Variants in DNAH6 observed in about 807,000 individuals in gnomAD.
DNAH6 encodes the protein dynein axonemal heavy chain 6.
Under a neutral mutation model 491.4 loss-of-function variants are expected in DNAH6, and 340 were observed. That is an observed-to-expected ratio of 0.69 (90% confidence interval 0.63 to 0.76). The LOEUF is 0.76. Ranked by LOEUF, DNAH6 falls within the 30% of genes least tolerant of loss-of-function variation. The probability of loss-of-function intolerance (pLI) is 0.00; values close to 1 mark genes in which losing one functional copy is unlikely to be tolerated. For synonymous variants in DNAH6, 1,603 were observed against 1,686.1 expected (o/e 0.95, Z 1.21); for missense variants, 4,443 against 4,972.2 (o/e 0.89, Z 3.20).
chr2:84,493,712 A>C, the DNAH6 span, among the ~76,000 whole-genome samples: 1 of 152,224 alleles, frequency 6.6e-6, no homozygotes, highest in African/African-American at 2.4e-5. Context: ...AATCGGCGCC[A>C]GAAGACTGGA....
intron 71 of DNAH6, among the ~76,000 whole-genome samples, chr2:84,807,587 A>T (rs1443248723): frequency 2.0e-5 from 3 of 152,138 alleles, no homozygotes; most frequent in African/African-American, 7.2e-5. Context: ...GTGAGCAGGG[A>T]AGTGGGAGAT....
chr2:84,727,171 C>A (rs1008186823), intron 60 of DNAH6, among the ~76,000 whole-genome samples: 2 of 152,168 alleles, frequency 1.3e-5, no homozygotes, highest in African/African-American at 4.8e-5. Flanking sequence ...ACTGGTCCTG[C>A]TAGCTCACCT....
intron 35 of DNAH6, among the ~76,000 whole-genome samples, chr2:84,657,084 G>T: frequency 6.6e-6 from 1 of 151,964 alleles, no homozygotes; most frequent in Admixed American, 6.6e-5. Context: ...TTTTTGAAAA[G>T]ACTGTCCTTT....
At chr2:84,725,271 T>C (rs1261228846) in intron 60 of DNAH6, among the ~76,000 whole-genome samples, 1 of 152,176 alleles carries the variant, frequency 6.6e-6, no homozygotes, top group African/African-American at 2.4e-5. Flanking sequence ...CCCTCGATAA[T>C]GGTTGGAGGT....
At chr2:84,692,005 T>A (rs1394006829) in intron 45 of DNAH6, among the ~76,000 whole-genome samples, 1 of 152,248 alleles carries the variant, frequency 6.6e-6, no homozygotes, top group Non-Finnish European at 1.5e-5. Flanking sequence ...AAAGTTTGAT[T>A]CTTATTTCAG....
At position 84,686,524 on chromosome 2, in the gene DNAH6, G is replaced by T. The variant is rs543437610; in HGVS notation, c.7104G>T (p.Leu2368Phe). ...FGIAIDLEYF[L>F]NKPIIFGDFI... ...TTGCAATTGACCTGGAATATTTTTT[G>T]AATAAGCCCATCATATTTGGAGATT... is the stretch of plus-strand genomic sequence containing the variant. Residue 2368 changes from leucine (L) to phenylalanine (F), a missense_variant, in exon 44 of 77, where the codon TTG becomes TTT. Leu to Phe is a conservative substitution (Grantham distance 22, BLOSUM62 0). Around this residue, in one of 3 missense-constraint regions of DNAH6, gnomAD observed 2,977 missense variants for 3,296.6 expected, o/e 0.90. Transcript: ENST00000389394. The T allele has an allele frequency of 1.2e-5, 19 of 1,540,166 alleles. No homozygotes were observed. The East Asian group carries it at 1.5e-4, about 12-fold the overall frequency.
At chr2:84,553,761 T>C (rs1332756287) in intron 10 of DNAH6, among the ~76,000 whole-genome samples, 1 of 149,300 alleles carries the variant, frequency 6.7e-6, no homozygotes, top group Non-Finnish European at 1.5e-5. Context: ...TGAACCACCA[T>C]GCCCAGCCTG....
chr2:84,674,375 G>GGA (rs1693026107), intron 40 of DNAH6, among the ~76,000 whole-genome samples: 1 of 152,192 alleles, frequency 6.6e-6, no homozygotes, highest in East Asian at 1.9e-4. Flanking sequence ...GGAAATCCAG[G>GGA]TAGAGCACTT....
chr2:84,594,522 G>A (rs1684399379), intron 17 of DNAH6, among the ~76,000 whole-genome samples: 1 of 152,154 alleles, frequency 6.6e-6, no homozygotes, highest in African/African-American at 2.4e-5. Context: ...CTTCCTTTGA[G>A]AGCTCAATAG....
At chr2:84,676,143 G>C (rs1227960983) in intron 40 of DNAH6, among the ~76,000 whole-genome samples, 1 of 152,204 alleles carries the variant, frequency 6.6e-6, no homozygotes, top group Non-Finnish European at 1.5e-5. Flanking sequence ...AATATTCATA[G>C]CACTTATTCT....
intron 13 of DNAH6, among the ~76,000 whole-genome samples, chr2:84,579,245 G>T (rs372460218): frequency 6.6e-6 from 1 of 152,304 alleles, no homozygotes; most frequent in African/African-American, 2.4e-5. Flanking sequence ...GGACAGGGCA[G>T]CACAATGTCC....
chr2:84,613,771 A>T (rs1686562235), intron 22 of DNAH6, among the ~76,000 whole-genome samples: 1 of 152,032 alleles, frequency 6.6e-6, no homozygotes, highest in Non-Finnish European at 1.5e-5. Flanking sequence ...CCAGCTAAAT[A>T]TGTTTCATAT....
intron 18 of DNAH6, among the ~76,000 whole-genome samples, chr2:84,598,004 G>A (rs115808571): frequency 0.029 from 4,324 of 151,700 alleles, 222 homozygotes; most frequent in African/African-American, 0.099. Context: ...AGTAAGAGAA[G>A]CCAGTCAAAA....
chr2:84,534,857 T>G (rs1677531824), intron 4 of DNAH6, among the ~76,000 whole-genome samples: 1 of 152,008 alleles, frequency 6.6e-6, no homozygotes, highest in African/African-American at 2.4e-5. Flanking sequence ...TTCTCATGAT[T>G]TTTTAGACAC....
the DNAH6 span, among the ~76,000 whole-genome samples, chr2:84,494,913 A>T: frequency 6.6e-6 from 1 of 152,202 alleles, no homozygotes; most frequent in Non-Finnish European, 1.5e-5. Flanking sequence ...GAGATTCTGC[A>T]TGACTAGCAA....
chr2:84,805,515 G>T lies in DNAH6; in HGVS notation c.11482-150G>T. ...AATTTGTTAAGAGGGTAGATCTCATGTTAATTGTTCTTACCACAATAAAAT... is the reference window on the plus strand; with the variant it reads ...AATTTGTTAAGAGGGTAGATCTCATTTTAATTGTTCTTACCACAATAAAAT... On this transcript the variant is annotated intron_variant, in intron 70 of 76. Coordinates refer to ENST00000389394, the MANE Select transcript of DNAH6 (RefSeq NM_001370.2). 7.8e-6 allele frequency: 5 copies of T among 644,296 alleles called. No homozygotes were observed. The East Asian group carries it at 1.0e-4, about 13-fold the overall frequency. The allele number at this position is 644,296 out of a possible 1,614,324, so 39.9% of individuals were successfully genotyped here.
chr2:84,816,006 AC>A lies in DNAH6; in HGVS notation c.12297del (p.Tyr4100IlefsTer33). 1 of 1,551,780 alleles carries A rather than the reference AC, an allele frequency of 6.4e-7. No homozygotes were observed. Among genetic ancestry groups the A allele is most frequent in the South Asian group, 1.2e-5 (1 of 84,048 alleles). On this transcript the variant is annotated frameshift_variant, in exon 76 of 77. Coordinates refer to ENST00000389394, the MANE Select transcript of DNAH6 (RefSeq NM_001370.2). LOFTEE classifies it high-confidence loss of function. ...GTGGTGCATTTTGAACCACAACAAA[AC>A]TATAAGCCAAGCCCAACACTTTACC... ...LPVVHFEPQQ[N>X]YKPSPTLYHC...
At chr2:84,658,254 A>G in intron 35 of DNAH6, 38 bp from the exon 36 acceptor site, 3 of 1,352,908 alleles carry the variant, frequency 2.2e-6, no homozygotes, top group East Asian at 2.6e-5. Flanking sequence ...TTATATATTT[A>G]TCAGGTCTTG....
intron 21 of DNAH6, among the ~76,000 whole-genome samples, chr2:84,610,894 C>A (rs986898817): frequency 6.6e-6 from 1 of 152,080 alleles, no homozygotes; most frequent in South Asian, 2.1e-4. Context: ...ATACAGGGTA[C>A]CTGAAAGAAG....
Sources: allele counts gnomAD v4.1 joint callset (sites outside exome capture counted in the v4.1 genomes callset), GRCh38; gene constraint gnomAD v4.1.1; regional missense constraint gnomAD v4.1.1; transcripts MANE v1.5; gene names NCBI Gene and HGNC (gene_info 2026-07-23, HGNC 2026-07-21).